Variants in PPL observed in about 807,000 individuals in gnomAD.
PPL encodes 190 kDa paraneoplastic pemphigus antigen.
A neutral mutation model predicts 194.4 loss-of-function variants in PPL; 198 were observed. The observed-to-expected ratio is 1.02, with a 90% confidence interval of 0.91 to 1.15. The LOEUF (loss-of-function observed/expected upper bound fraction) is 1.15, where lower values mean the gene tolerates loss of function less well. Among genes scored for constraint, PPL ranks in the 50% most tolerant of loss-of-function variants. The pLI is 0.00. For missense variants in PPL, 2,885 were observed against 2,294.8 expected, an observed-to-expected ratio of 1.26 and a Z score of -5.25; for synonymous variants, 1,220 against 972.4, an observed-to-expected ratio of 1.25 and a Z score of -4.74.
chr16:4,883,960 G>T lies in PPL; in HGVS notation c.4695C>A (p.Asn1565Lys). The T allele has an allele frequency of 6.2e-7, 1 of 1,614,068 alleles. No homozygotes were observed. The highest frequency in any genetic ancestry group is 8.5e-7 in the Non-Finnish European group (1 of 1,180,012). ...TTTGCCTCTCCAGCTGTAATTTGTGGTTCTCTTCCCTCAGAAAGTCTAGTT... is the reference window on the plus strand; with the variant it reads ...TTTGCCTCTCCAGCTGTAATTTGTGTTTCTCTTCCCTCAGAAAGTCTAGTT... ...SKELDFLREENHKLQLERQNL... is the reference protein window; with the variant it reads ...SKELDFLREEKHKLQLERQNL... Residue 1565 changes from asparagine (N) to lysine (K), a missense_variant, in exon 22 of 22, where the codon AAC becomes AAA. By Grantham distance (94) the Asn-to-Lys change is moderately conservative. Coordinates refer to ENST00000345988, the MANE Select transcript of PPL (RefSeq NM_002705.5). The surrounding 1 kb of genome is among the most constrained non-coding windows in gnomAD (Gnocchi z 4.8).
In PPL at chr16:4,893,194, G is replaced by C; in HGVS notation, c.1650+19C>G. On this transcript the variant is annotated intron_variant, in intron 14 of 21. Transcript: ENST00000345988. ...GCAGGGCTCCCCCGGCCCCACCTGT[G>C]CTCCTGACCCGCAGGTACCTTGAGG... The C allele has an allele frequency of 1.3e-6, 2 of 1,528,342 alleles. No homozygotes were observed. The highest frequency in any genetic ancestry group is 2.4e-5 in the South Asian group (2 of 84,206). 94.7% of individuals were successfully genotyped at this position (1,528,342 alleles called of 1,614,324 possible).
intron 4 of PPL, among the ~76,000 whole-genome samples, chr16:4,901,843 G>A (rs778910740): frequency 9.9e-5 from 15 of 151,992 alleles, no homozygotes; most frequent in Non-Finnish European, 1.5e-4. Context: ...GGGAGGCTGA[G>A]GTGGGAGGAT....
At chr16:4,893,665 C>G (rs2088364134) in intron 12 of PPL, 27 bp from the exon 13 acceptor site, 1 of 1,542,364 alleles carries the variant, frequency 6.5e-7, no homozygotes, top group Non-Finnish European at 8.7e-7. Context: ...GAGCTGGGAA[C>G]CTGGGCAGCC....
At chr16:4,899,688 C>CG (rs35130116) in intron 6 of PPL, among the ~76,000 whole-genome samples, 71,513 of 152,060 alleles carry the variant, frequency 0.47, 18,848 homozygotes, top group East Asian at 0.66. Flanking sequence ...AAAACCCTTA[C>CG]GGAACTGACA....
In PPL at chr16:4,885,503, T is replaced by A. The variant is rs148151950; in HGVS notation, c.3152A>T (p.Lys1051Met). 1,851 of 1,611,596 alleles carry A rather than the reference T, an allele frequency of 1.1e-3. 1 individual carries two copies. The highest frequency in any genetic ancestry group is 1.5e-3 in the Non-Finnish European group (1,772 of 1,179,854). The change falls in exon 22 of 22, where the codon AAG becomes ATG. Residue 1051 changes from lysine to methionine, a missense_variant. Coordinates refer to ENST00000345988, the MANE Select transcript of PPL (RefSeq NM_002705.5). The surrounding 1 kb of genome is among the most constrained non-coding windows in gnomAD (Gnocchi z 6.3). ...TTTCACCACCTCTTTCTCTGTGACC[T>A]TCTCCTGCGCCCGGCTCTTCTCTTC... ...LAEEKSRAQEKVTEKEVVKLQ... is the reference protein window; with the variant it reads ...LAEEKSRAQEMVTEKEVVKLQ...
intron 16 of PPL, chr16:4,891,312 G>A (rs143578484): frequency 6.7e-5 from 12 of 179,842 alleles, no homozygotes; most frequent in African/African-American, 2.6e-4. Context: ...TGGCAACTGC[G>A]AGGTAAGCAG....
At chr16:4,906,955 G>A (rs976681530) in intron 2 of PPL, among the ~76,000 whole-genome samples, 4 of 152,068 alleles carry the variant, frequency 2.6e-5, no homozygotes, top group Non-Finnish European at 4.4e-5. Flanking sequence ...GTTTTTTAAA[G>A]TCACAGGGGC....
At chr16:4,914,399 C>CCAG (rs1369240271) in intron 1 of PPL, among the ~76,000 whole-genome samples, 1 of 152,174 alleles carries the variant, frequency 6.6e-6, no homozygotes, top group East Asian at 1.9e-4. Flanking sequence ...GAGTCATGGA[C>CCAG]CAGCAATGCA....
intron 20 of PPL, 29 bp downstream of exon 20, chr16:4,888,073 C>T: frequency 6.4e-7 from 1 of 1,557,396 alleles, no homozygotes; most frequent in Non-Finnish European, 8.9e-7. Context: ...CCACCTCAGT[C>T]CCGAGGCCGC....
intron 1 of PPL, among the ~76,000 whole-genome samples, chr16:4,934,540 G>T (rs899021855): frequency 6.6e-6 from 1 of 152,168 alleles, no homozygotes; most frequent in African/African-American, 2.4e-5. Context: ...AGAGGCTCCA[G>T]GGTGGAGATG....
intron 2 of PPL, among the ~76,000 whole-genome samples, chr16:4,910,574 A>G (rs1310756743): frequency 1.3e-5 from 2 of 152,020 alleles, no homozygotes; most frequent in African/African-American, 4.8e-5. Context: ...TATTAACGAC[A>G]ATGGCCAGGT....
intron 8 of PPL, 108 bp from the exon 9 acceptor site, chr16:4,897,878 G>A (rs2088465646): frequency 4.7e-6 from 4 of 845,768 alleles, no homozygotes; most frequent in Non-Finnish European, 3.8e-6. Flanking sequence ...GAGGCATCTG[G>A]CATCTGTCTG....
intron 1 of PPL, among the ~76,000 whole-genome samples, chr16:4,915,552 C>A (rs2088901011): frequency 6.6e-6 from 1 of 152,206 alleles, no homozygotes; most frequent in African/African-American, 2.4e-5. Flanking sequence ...GACTCTGAGA[C>A]ATCAAAGCAC....
Position 4,885,916 on chromosome 16 carries a change from G to A in PPL, c.2739C>T (p.Val913=). ...TCCAGATTTCTTCCTGGGTGCTCTT[G>A]ACCTCGTTCTCCAGCTGCCGCCTCC... The part of the protein sequence containing the change: ...TERRRQLENE[V]KSTQEEIWTL... The change falls in exon 22 of 22, where the codon GTC becomes GTT. Residue 913 remains valine (V), a synonymous_variant. Coordinates refer to ENST00000345988, the MANE Select transcript of PPL (RefSeq NM_002705.5). The surrounding 1 kb of genome is among the most constrained non-coding windows in gnomAD (Gnocchi z 6.3). 10 of 1,611,928 alleles carry A rather than the reference G, an allele frequency of 6.2e-6. No homozygotes were observed. The highest frequency in any genetic ancestry group is 8.5e-6 in the Non-Finnish European group (10 of 1,180,020).
intron 2 of PPL, among the ~76,000 whole-genome samples, chr16:4,905,686 A>C (rs1472667383): frequency 6.6e-6 from 1 of 152,216 alleles, no homozygotes; most frequent in Non-Finnish European, 1.5e-5. Flanking sequence ...TACGAAGTAA[A>C]GACTTGGCTT....
intron 4 of PPL, among the ~76,000 whole-genome samples, chr16:4,901,714 A>G (rs1355455592): frequency 6.8e-6 from 1 of 147,116 alleles, no homozygotes; most frequent in Non-Finnish European, 1.5e-5. Flanking sequence ...AATAAATAAT[A>G]AAACTGGGGA....
Position 4,884,904 on chromosome 16 carries a change from G to A in PPL, c.3751C>T (p.Leu1251Phe), listed in dbSNP as rs371624171. 3.7e-5 allele frequency: 59 copies of A among 1,613,992 alleles called. No homozygotes were observed. The highest frequency in any genetic ancestry group is 4.7e-5 in the Non-Finnish European group (55 of 1,180,034). The change falls in exon 22 of 22, where the codon CTC (leucine) becomes TTC (phenylalanine). Residue 1251 changes from leucine to phenylalanine, a missense_variant. Transcript: ENST00000345988. This position sits in a 1 kb window ranked among gnomAD's most constrained non-coding sequence, Gnocchi z 5.7. ...DPEMEKELQR[L>F]REEIVDKTRL... ...GTCTTGTCCACGATCTCCTCCCTGA[G>A]CCGCTGAAGCTCCTTCTCCATCTCA... is the stretch of plus-strand genomic sequence containing the variant.
At chr16:4,900,457 A>T (rs56343990) in intron 6 of PPL, among the ~76,000 whole-genome samples, 60,546 of 89,628 alleles carry the variant, frequency 0.68, 20,687 homozygotes, top group East Asian at 0.86. Context: ...TTTTTTTTTT[A>T]AAGGCAGGGT....
At position 4,884,421 on chromosome 16, in the gene PPL, CCTGCCGCTCGCGCTCTAGCTCCTCCAG is replaced by C. The variant is rs777026279; in HGVS notation, c.4207_4233del (p.Leu1403_Gln1411del). On this transcript the variant is annotated inframe_deletion, in exon 22 of 22. Coordinates refer to ENST00000345988, the MANE Select transcript of PPL (RefSeq NM_002705.5). This position sits in a 1 kb window ranked among gnomAD's most constrained non-coding sequence, Gnocchi z 5.7. ...ACCTCGCGCTCGGCCTCCCTGCGGG[CCTGCCGCTCGCGCTCTAGCTCCTCCAG>C]CTGCCGCTCAAGCTCGGTGCGCCGG... 3.1e-6 allele frequency: 5 copies of C among 1,604,634 alleles called. No individual in the cohort carries two copies. Among genetic ancestry groups the C allele is most frequent in the Non-Finnish European group, 3.4e-6 (4 of 1,177,878 alleles).
Sources: gnomAD v4.1 joint callset for allele counts (sites outside exome capture counted in the v4.1 genomes callset) on GRCh38, gnomAD v4.1.1 for gene constraint, Gnocchi (gnomAD v3.1) non-coding constraint, MANE v1.5 for transcripts, NCBI Gene and HGNC (gene_info 2026-07-23, HGNC 2026-07-21) for gene names.